The following UVRAG variants were observed in gnomAD, a reference collection of about 807,000 sequenced individuals.
The protein encoded by UVRAG is UV radiation resistance-associated gene protein.
UVRAG carries 19 observed loss-of-function variants against 78.0 expected under a neutral mutation model. The ratio of observed to expected loss-of-function variants is 0.24; its 90% CI spans 0.17 to 0.36. The LOEUF (loss-of-function observed/expected upper bound fraction) is 0.36. Among genes scored for constraint, UVRAG ranks in the 10% least tolerant of loss-of-function variants. The pLI, the probability that UVRAG is intolerant of heterozygous loss-of-function variation, is 1.00. For missense variants in UVRAG, 740 were observed against 853.8 expected, an observed-to-expected ratio of 0.87 and a Z score of 1.66; for synonymous variants, 323 against 324.6, an observed-to-expected ratio of 1.00 and a Z score of 0.05.
intron 4 of UVRAG, among the ~76,000 whole-genome samples, chr11:75,884,605 G>A (rs553018532): frequency 6.6e-6 from 1 of 152,120 alleles, no homozygotes; most frequent in East Asian, 1.9e-4. Context: ...TAAAGTGCAA[G>A]GTTCATTGTT....
intron 1 of UVRAG, among the ~76,000 whole-genome samples, chr11:75,849,743 A>C (rs944136489): frequency 1.3e-5 from 2 of 152,238 alleles, no homozygotes; most frequent in Non-Finnish European, 2.9e-5. Context: ...TATAGTAGAG[A>C]TAGAAGCAAA....
At chr11:75,962,453 C>T (rs753480267) in intron 7 of UVRAG, among the ~76,000 whole-genome samples, 3 of 152,088 alleles carry the variant, frequency 2.0e-5, no homozygotes. Flanking sequence ...ACTTCTCTCT[C>T]ATGGAATTTG....
intron 14 of UVRAG, among the ~76,000 whole-genome samples, 165 bp downstream of exon 14, chr11:76,116,180 C>T (rs978066661): frequency 7.9e-5 from 12 of 152,272 alleles, no homozygotes; most frequent in Admixed American, 4.6e-4. Flanking sequence ...TCTAAGCTCC[C>T]GTCTGGCTAA....
chr11:76,066,346 C>T (rs975900630), intron 13 of UVRAG, among the ~76,000 whole-genome samples: 4 of 152,084 alleles, frequency 2.6e-5, no homozygotes, highest in African/African-American at 9.7e-5. Context: ...TATCAGATGC[C>T]TAGGTTTGTA....
At chr11:76,015,744 C>T (rs7116263) in intron 11 of UVRAG, among the ~76,000 whole-genome samples, 1 of 151,932 alleles carries the variant, frequency 6.6e-6, no homozygotes, top group African/African-American at 2.4e-5. Flanking sequence ...GTAGTGCTTA[C>T]GTAATTAAGT....
chr11:76,053,430 C>T (rs1342349306), intron 12 of UVRAG, among the ~76,000 whole-genome samples: 3 of 151,896 alleles, frequency 2.0e-5, no homozygotes, highest in African/African-American at 7.3e-5. Context: ...AATTGAGAAA[C>T]GAAAGGGTCA....
rs989405763 is a variant in UVRAG, at chr11:75,878,843, A to C, written c.271-1036A>C. Among the ~76,000 whole-genome samples the C allele has an allele frequency of 4.2e-4, 59 of 141,810 alleles. No individual in the cohort carries two copies. In the Admixed American group the frequency reaches 4.2e-3, roughly 10 times the overall value. 93.0% of individuals were successfully genotyped at this position (141,810 alleles called of 152,430 possible). A position where few individuals can be genotyped will look rare whatever the true frequency, so the allele number is the denominator to read the frequency against. ...CCAGCTTCAGCTCGGCATCAGAGGG[A>C]GACCATGGAAAGAGAGAGAGAGAGA... is the stretch of plus-strand genomic sequence containing the variant. On this transcript the variant is annotated intron_variant, in intron 3 of 14. Coordinates refer to ENST00000356136, the MANE Select transcript of UVRAG (RefSeq NM_003369.4).
chr11:75,849,922 C>CA (rs1946117674), intron 1 of UVRAG, among the ~76,000 whole-genome samples: 1 of 152,248 alleles, frequency 6.6e-6, no homozygotes. Flanking sequence ...AATGAAAGTA[C>CA]ATTCAGCAAG....
intron 12 of UVRAG, among the ~76,000 whole-genome samples, chr11:76,040,599 A>G (rs906495099): frequency 9.2e-5 from 14 of 151,852 alleles, no homozygotes; most frequent in African/African-American, 9.7e-5. Context: ...CTCTGTTGCC[A>G]GGCTGGAGTG....
At chr11:75,870,774 T>C (rs1946629854) in intron 3 of UVRAG, among the ~76,000 whole-genome samples, 1 of 152,230 alleles carries the variant, frequency 6.6e-6, no homozygotes, top group African/African-American at 2.4e-5. Flanking sequence ...TATTGAGATA[T>C]TGTACACATC....
At chr11:75,965,839 C>T (rs1949011349) in intron 7 of UVRAG, among the ~76,000 whole-genome samples, 1 of 151,720 alleles carries the variant, frequency 6.6e-6, no homozygotes, top group African/African-American at 2.4e-5. Flanking sequence ...TTGGGATTTT[C>T]TTTGTAAAGA....
Position 75,947,916 on chromosome 11 carries a change from G to A in UVRAG, c.594-13528G>A, listed in dbSNP as rs573654870. 7.2e-5 allele frequency among the ~76,000 whole-genome samples: 11 copies of A among 152,246 alleles called. 1 individual carries two copies. Among genetic ancestry groups the A allele is most frequent in the Middle Eastern group, 3.4e-3 (1 of 294 alleles). On this transcript the variant is annotated intron_variant, in intron 6 of 14. Transcript: ENST00000356136. The stretch of plus-strand genomic sequence containing the variant: ...AATAAATATGTATTCATTCACCAAC[G>A]AATTATTAAATAAATATATTCTATG...
intron 8 of UVRAG, among the ~76,000 whole-genome samples, chr11:76,002,089 T>G (rs1167504947): frequency 1.3e-5 from 2 of 152,194 alleles, no homozygotes; most frequent in African/African-American, 4.8e-5. Flanking sequence ...GTATTCAGGT[T>G]GGTAATATAA....
At chr11:75,990,729 A>G (rs1447078288) in intron 8 of UVRAG, among the ~76,000 whole-genome samples, 1 of 152,164 alleles carries the variant, frequency 6.6e-6, no homozygotes, top group Non-Finnish European at 1.5e-5. Flanking sequence ...CCTAGGTTAA[A>G]TGTACTACTG....
At chr11:75,884,201 A>G (rs1303164668) in intron 4 of UVRAG, among the ~76,000 whole-genome samples, 2 of 137,090 alleles carry the variant, frequency 1.5e-5, no homozygotes, top group African/African-American at 3.1e-5. Context: ...CAAAAAGTCT[A>G]TTTGAGATCA....
chr11:75,845,358 C>A (rs934367752), intron 1 of UVRAG, among the ~76,000 whole-genome samples: 2 of 152,120 alleles, frequency 1.3e-5, no homozygotes, highest in African/African-American at 4.8e-5. Context: ...TAAAGTAGAG[C>A]ATTTGAGGAA....
intron 13 of UVRAG, among the ~76,000 whole-genome samples, chr11:76,082,594 T>G (rs1951518383): frequency 6.6e-6 from 1 of 151,238 alleles, no homozygotes; most frequent in Non-Finnish European, 1.5e-5. Context: ...TATAACACTA[T>G]TTCATCAAAT....
Position 76,038,961 on chromosome 11 carries a change from A to C in UVRAG, c.1226+21981A>C, listed in dbSNP as rs905495315. Among the ~76,000 whole-genome samples the C allele has an allele frequency of 1.3e-5, 2 of 152,202 alleles. 1 individual carries two copies. The highest frequency in any genetic ancestry group is 4.8e-5 in the African/African-American group (2 of 41,450). On this transcript the variant is annotated intron_variant, in intron 12 of 14. Coordinates refer to ENST00000356136, the MANE Select transcript of UVRAG (RefSeq NM_003369.4). ...CATGAGAAGCCTGGCCAACACCTTG[A>C]TTTTAGATTTCTTAGATCCTGAGCA...
At chr11:76,135,869 T>C (rs1312788474) in intron 14 of UVRAG, among the ~76,000 whole-genome samples, 1 of 152,230 alleles carries the variant, frequency 6.6e-6, no homozygotes, top group Admixed American at 6.5e-5. Flanking sequence ...TTTCCTAATA[T>C]GTCCACTCCT....
Sources: gnomAD v4.1 joint callset for allele counts (sites outside exome capture counted in the v4.1 genomes callset) on GRCh38, gnomAD v4.1.1 for gene constraint, MANE v1.5 for transcripts, NCBI Gene and HGNC (gene_info 2026-07-23, HGNC 2026-07-21) for gene names.